CDH13: variants seen among roughly 807,000 people sequenced by gnomAD.
CDH13 encodes the protein cadherin-13.
Under a neutral mutation model 63.8 loss-of-function variants are expected in CDH13, and 24 were observed. The observed-to-expected ratio is 0.38, with a 90% CI of 0.27 to 0.53. CDH13 has a LOEUF of 0.53. Among genes scored for constraint, CDH13 ranks in the 20% least tolerant of loss-of-function variants. The pLI is 0.85. For missense variants in CDH13, 1,049 were observed against 903.1 expected (o/e 1.16, Z -2.07); for synonymous variants, 503 against 355.3 (o/e 1.42, Z -4.67).
intron 7 of CDH13, among the ~76,000 whole-genome samples, chr16:83,495,990 C>T (rs1190830523): frequency 6.6e-6 from 1 of 151,336 alleles, no homozygotes; most frequent in Non-Finnish European, 1.5e-5. Context: ...CTACAAACCA[C>T]TGCTCAAGGA....
intron 6 of CDH13, among the ~76,000 whole-genome samples, chr16:83,471,275 C>CT (rs34765413): frequency 0.4 from 48,311 of 121,662 alleles, 11,292 homozygotes; most frequent in Middle Eastern, 0.5. Context: ...TCTAACCACC[C>CT]TTTTTTTTTT....
At chr16:82,812,655 G>A (rs1367224572) in intron 1 of CDH13, among the ~76,000 whole-genome samples, 7 of 152,218 alleles carry the variant, frequency 4.6e-5, no homozygotes, top group African/African-American at 1.7e-4. Flanking sequence ...AACCAGATGG[G>A]AGGGGAAGAA....
At chr16:83,465,802 T>C (rs2073299826) in intron 6 of CDH13, among the ~76,000 whole-genome samples, 1 of 152,220 alleles carries the variant, frequency 6.6e-6, no homozygotes, top group African/African-American at 2.4e-5. Context: ...GTCAGCACAA[T>C]TCACAGGTGT....
chr16:83,530,900 A>C (rs1263561490), intron 7 of CDH13, among the ~76,000 whole-genome samples: 1 of 152,226 alleles, frequency 6.6e-6, no homozygotes, highest in Admixed American at 6.5e-5. Flanking sequence ...AGAGCTGTGC[A>C]TTCACACAGA....
At chr16:82,844,785 G>A (rs112116499) in intron 1 of CDH13, 34,980 of 143,500 alleles carry the variant, frequency 0.24, 5,018 homozygotes, top group Non-Finnish European at 0.33. Flanking sequence ...GACTACAGGC[G>A]CCCGCCACCA....
intron 7 of CDH13, among the ~76,000 whole-genome samples, chr16:83,489,579 G>A (rs1054500921): frequency 2.0e-5 from 3 of 152,196 alleles, no homozygotes; most frequent in Non-Finnish European, 2.9e-5. Flanking sequence ...TCTTGTCTTT[G>A]AGGGTAAAAA....
At chr16:83,343,495 C>T (rs769129619) in intron 5 of CDH13, among the ~76,000 whole-genome samples, 7 of 152,082 alleles carry the variant, frequency 4.6e-5, no homozygotes, top group Non-Finnish European at 1.0e-4. Flanking sequence ...GGTATAAAAA[C>T]GGAACAAAAG....
At chr16:82,989,395 A>G (rs1911367814) in intron 2 of CDH13, among the ~76,000 whole-genome samples, 1 of 152,188 alleles carries the variant, frequency 6.6e-6, no homozygotes, top group Non-Finnish European at 1.5e-5. Context: ...TGCCTTTGAC[A>G]TGGCAGTGTG....
intron 12 of CDH13, among the ~76,000 whole-genome samples, chr16:83,782,355 G>A (rs543666689): frequency 1.9e-4 from 29 of 152,286 alleles, no homozygotes; most frequent in African/African-American, 7.0e-4. Context: ...TGACATCAGG[G>A]AAGTGGAGGG....
At chr16:82,904,454 T>C (rs1198845381) in intron 2 of CDH13, among the ~76,000 whole-genome samples, 2 of 152,222 alleles carry the variant, frequency 1.3e-5, no homozygotes, top group African/African-American at 4.8e-5. Context: ...CACCTTGCTC[T>C]GAATCCTTTG....
At chr16:82,860,087 A>G (rs1051126898) in intron 2 of CDH13, among the ~76,000 whole-genome samples, 1 of 151,830 alleles carries the variant, frequency 6.6e-6, no homozygotes, top group African/African-American at 2.4e-5. Context: ...TGTGAGAACC[A>G]TTTTTCTGGC....
intron 7 of CDH13, among the ~76,000 whole-genome samples, chr16:83,513,079 G>T (rs988575430): frequency 1.3e-5 from 2 of 151,646 alleles, no homozygotes; most frequent in African/African-American, 4.8e-5. Context: ...TTAAGCCCCA[G>T]AATTAGGCTT....
At chr16:82,659,742 G>C (rs544161060) in intron 1 of CDH13, among the ~76,000 whole-genome samples, 2 of 152,106 alleles carry the variant, frequency 1.3e-5, no homozygotes, top group South Asian at 2.1e-4. Flanking sequence ...AATTCTGAAC[G>C]TTAAATAGTA....
intron 10 of CDH13, among the ~76,000 whole-genome samples, chr16:83,715,345 C>A (rs1049283701): frequency 6.6e-6 from 1 of 152,176 alleles, no homozygotes; most frequent in Admixed American, 6.5e-5. Context: ...TTGCAAGAAT[C>A]CATCTACTTT....
chr16:83,289,184 A>G lies in CDH13; in HGVS notation c.637-55678A>G, dbSNP rs534362100. On this transcript the variant is annotated intron_variant, in intron 5 of 13. Coordinates refer to ENST00000567109, the MANE Select transcript of CDH13 (RefSeq NM_001257.5). ...ACCAGGAAGAATTCACTGTCTGCAT[A>G]TGAATGTGCGTGAACTTGGTTGTCA... 5.0e-3 allele frequency among the ~76,000 whole-genome samples: 711 copies of G among 142,234 alleles called. 8 individuals carry two copies. The highest frequency in any genetic ancestry group is 0.019 in the African/African-American group (671 of 34,522). The allele number at this position is 142,234 out of a possible 152,430, so 93.3% of individuals were successfully genotyped here.
intron 3 of CDH13, among the ~76,000 whole-genome samples, chr16:83,060,523 A>T (rs554857733): frequency 6.6e-6 from 1 of 152,162 alleles, no homozygotes; most frequent in Non-Finnish European, 1.5e-5. Flanking sequence ...CTCATGTCAT[A>T]TTGCCTAATT....
chr16:83,044,621 CTA>C (rs937170198), intron 3 of CDH13, among the ~76,000 whole-genome samples: 4 of 152,220 alleles, frequency 2.6e-5, no homozygotes, highest in Non-Finnish European at 4.4e-5. Context: ...ATTTTTAAAA[CTA>C]TAATTTACAA....
intron 7 of CDH13, among the ~76,000 whole-genome samples, chr16:83,595,625 CT>C (rs1350940574): frequency 1.3e-5 from 2 of 152,136 alleles, no homozygotes; most frequent in Admixed American, 1.3e-4. Flanking sequence ...AGGTTTCTTC[CT>C]TTTGAGGAAA....
intron 4 of CDH13, among the ~76,000 whole-genome samples, chr16:83,191,504 TAC>T (rs1214690644): frequency 0.12 from 10,950 of 92,748 alleles, 645 homozygotes; most frequent in Middle Eastern, 0.19. Context: ...TATATATATA[TAC>T]ACACACACAC....
Sources: allele counts gnomAD v4.1 joint callset (sites outside exome capture counted in the v4.1 genomes callset), GRCh38; gene constraint gnomAD v4.1.1; transcripts MANE v1.5; gene names NCBI Gene and HGNC (gene_info 2026-07-23, HGNC 2026-07-21).